TMEM175: variants seen among roughly 807,000 people sequenced by gnomAD.
The protein encoded by TMEM175 is transmembrane protein 175.
Under a neutral mutation model 36.5 loss-of-function variants are expected in TMEM175, and 36 were observed. That is an observed-to-expected ratio of 0.99 (90% CI 0.76 to 1.30). The LOEUF (loss-of-function observed/expected upper bound fraction) is 1.30. Ranked by LOEUF, TMEM175 falls within the 50% of genes most tolerant of loss-of-function variation. TMEM175 has a pLI of 0.00. For missense variants in TMEM175, 705 were observed against 692.8 expected (o/e 1.02, Z -0.20); for synonymous variants, 339 against 313.4 (o/e 1.08, Z -0.86).
Position 932,869 on chromosome 4 carries a change from G to A in TMEM175, c.-32+329G>A, listed in dbSNP as rs1012744978. ...GGCAGTTTGCAGGGGAAACGCTGCTGCATTGCTCTGTCTTCCGAGGAGAGG... is the reference window on the plus strand; with the variant it reads ...GGCAGTTTGCAGGGGAAACGCTGCTACATTGCTCTGTCTTCCGAGGAGAGG... On this transcript the variant is annotated intron_variant, in intron 1 of 10. Transcript: ENST00000264771. The surrounding 1 kb of genome is among the most constrained non-coding windows in gnomAD (Gnocchi z 4.0). Among the ~76,000 whole-genome samples the A allele has an allele frequency of 6.6e-6, 1 of 152,216 alleles. No individual in the cohort carries two copies. The highest frequency in any genetic ancestry group is 1.5e-5 in the Non-Finnish European group (1 of 68,038).
At chr4:943,025 A>G (rs1727716087) in intron 1 of TMEM175, among the ~76,000 whole-genome samples, 1 of 152,184 alleles carries the variant, frequency 6.6e-6, no homozygotes, top group African/African-American at 2.4e-5. Flanking sequence ...TCCAAATTAC[A>G]CATCTTGCAG....
At position 951,909 on chromosome 4, in the gene TMEM175, G is replaced by C. The variant is rs189830381; in HGVS notation, c.378+192G>C. 328 of 641,812 alleles carry C rather than the reference G, an allele frequency of 5.1e-4. 1 individual carries two copies. The highest frequency in any genetic ancestry group is 3.4e-3 in the Middle Eastern group (9 of 2,632). 39.8% of individuals were successfully genotyped at this position (641,812 alleles called of 1,614,324 possible). A position where few individuals can be genotyped will look rare whatever the true frequency, so the allele number is the denominator to read the frequency against. The stretch of plus-strand genomic sequence containing the variant: ...TTCAGGCTGGCGGGGAGGGGAGGCA[G>C]TGGCCCCGATGAGGGAGTCACCGGC... On this transcript the variant is annotated intron_variant, in intron 6 of 10. Coordinates refer to ENST00000264771, the MANE Select transcript of TMEM175 (RefSeq NM_032326.4).
intron 1 of TMEM175, among the ~76,000 whole-genome samples, chr4:933,930 A>G (rs1726468951): frequency 6.6e-6 from 1 of 152,270 alleles, no homozygotes; most frequent in Admixed American, 6.5e-5. Context: ...TTAGGCACTG[A>G]TTTATTGCTT....
intron 3 of TMEM175, chr4:948,711 G>T: frequency 8.5e-7 from 1 of 1,176,322 alleles, no homozygotes; most frequent in Non-Finnish European, 1.1e-6. Context: ...ACTGGAGGGC[G>T]TCTGGGGCCC....
chr4:933,080 T>G (rs560668318), intron 1 of TMEM175, among the ~76,000 whole-genome samples: 1 of 152,244 alleles, frequency 6.6e-6, no homozygotes, highest in African/African-American at 2.4e-5. Flanking sequence ...TGCCCAACTA[T>G]TTGGAGATGA....
At chr4:934,302 G>A (rs1409006602) in intron 1 of TMEM175, among the ~76,000 whole-genome samples, 2 of 152,236 alleles carry the variant, frequency 1.3e-5, no homozygotes, top group Non-Finnish European at 2.9e-5. Context: ...TAGACAGTTT[G>A]TGGAGAAAGA....
intron 4 of TMEM175, among the ~76,000 whole-genome samples, 187 bp downstream of exon 4, chr4:950,705 G>A (rs111935512): frequency 0.025 from 1,589 of 64,344 alleles, 25 homozygotes; most frequent in African/African-American, 0.044. Context: ...TGCAGTAGGC[G>A]GAGGTGTGGA....
At chr4:948,201 T>G (rs770931508) in intron 3 of TMEM175, 47 bp downstream of exon 3, 4 of 1,613,796 alleles carry the variant, frequency 2.5e-6, no homozygotes, top group South Asian at 1.1e-5. Context: ...TGCGAAGATA[T>G]AGGGTCCCCG....
At position 958,068 on chromosome 4, in the gene TMEM175, T is replaced by G; in HGVS notation, c.1087T>G (p.Ser363Ala). The G allele has an allele frequency of 6.2e-7, 1 of 1,609,534 alleles. No individual in the cohort carries two copies. The highest frequency in any genetic ancestry group is 8.5e-7 in the Non-Finnish European group (1 of 1,179,528). ...CCTCCCACTAGCCTACCAGCAGACC[T>G]CGGCCTTCGCCCGGCAGCCCCGCGA... is the stretch of plus-strand genomic sequence containing the variant. ...GGLPLAYQQT[S>A]AFARQPRDEL... Residue 363 changes from serine (S) to alanine (A), a missense_variant, in exon 11 of 11, where the codon TCG becomes GCG. By Grantham distance (99) the Ser-to-Ala change is moderately conservative. Transcript: ENST00000264771.
intron 3 of TMEM175, chr4:948,528 C>T: frequency 5.1e-6 from 7 of 1,379,272 alleles, no homozygotes; most frequent in Non-Finnish European, 5.7e-6. Flanking sequence ...AGCAGGCAGG[C>T]CCCTTACGTA....
intron 1 of TMEM175, among the ~76,000 whole-genome samples, chr4:946,347 C>T (rs1728140036): frequency 6.6e-6 from 1 of 152,266 alleles, no homozygotes; most frequent in Admixed American, 6.5e-5. Context: ...GCTCTCTGGC[C>T]ACATTCTATG....
chr4:933,053 C>T (rs1479217839), intron 1 of TMEM175, among the ~76,000 whole-genome samples: 1 of 152,230 alleles, frequency 6.6e-6, no homozygotes, highest in Non-Finnish European at 1.5e-5. Flanking sequence ...TCATGAACCA[C>T]TTGGAAGGGT....
In TMEM175 at chr4:955,763, G is replaced by C; in HGVS notation, c.715G>C (p.Glu239Gln). The change falls in exon 10 of 11, where the codon GAG (glutamate) becomes CAG (glutamine). Residue 239 changes from glutamate to glutamine, a missense_variant. Glu to Gln is a conservative substitution (Grantham distance 29, BLOSUM62 2). Coordinates refer to ENST00000264771, the MANE Select transcript of TMEM175 (RefSeq NM_032326.4). ...TCCTGGCGTGTCCCCAGGCCACAGG[G>C]AGCCCTCGGCTCACCCAGTGGAAGT... Reference protein sequence around the residue: ...WCRDRLLGHREPSAHPVEVFS... With the variant: ...WCRDRLLGHRQPSAHPVEVFS... The C allele has an allele frequency of 6.2e-7, 1 of 1,613,300 alleles. No homozygotes were observed. Among genetic ancestry groups the C allele is most frequent in the Non-Finnish European group, 8.5e-7 (1 of 1,179,810 alleles).
chr4:947,118 C>CGA (rs1410674696), intron 1 of TMEM175, among the ~76,000 whole-genome samples: 1 of 134,886 alleles, frequency 7.4e-6, no homozygotes, highest in Non-Finnish European at 1.6e-5. Context: ...GCACGGGCGC[C>CGA]GAGACCGGGG....
chr4:951,206 G>C lies in TMEM175; in HGVS notation c.291-1G>C, dbSNP rs1283153311. On this transcript the variant is annotated splice_acceptor_variant, in intron 4 of 10. Transcript: ENST00000264771. LOFTEE classifies it high-confidence loss of function. Reference sequence around the variant, plus strand: ...GTCTATCTTTTTCTTAAATGGTTTAGGTTGTTCCAAGTTGTTGGGAAAACA... The same window carrying C: ...GTCTATCTTTTTCTTAAATGGTTTACGTTGTTCCAAGTTGTTGGGAAAACA... 6.2e-7 allele frequency: 1 copy of C among 1,614,016 alleles called. No homozygotes were observed. The highest frequency in any genetic ancestry group is 2.2e-5 in the East Asian group (1 of 44,884).
At chr4:944,481 A>G (rs937287857) in intron 1 of TMEM175, among the ~76,000 whole-genome samples, 29 of 152,088 alleles carry the variant, frequency 1.9e-4, no homozygotes, top group Non-Finnish European at 7.4e-5. Context: ...CTGGGCATAG[A>G]GCAAAAGCCC....
Position 947,818 on chromosome 4 carries a change from G to A in TMEM175, c.79G>A (p.Gly27Arg). Reference protein sequence around the residue: ...CPPGRRDEDAGEGIQCSQRML... With the variant: ...CPPGRRDEDAREGIQCSQRML... The stretch of plus-strand genomic sequence containing the variant: ...CCCAGGCAGGAGAGACGAGGACGCT[G>A]GGGAGGGGATCCAGTGCTCCCAACG... Residue 27 changes from glycine (G) to arginine (R), a missense_variant, in exon 2 of 11, where the codon GGG becomes AGG. Gly to Arg is a moderately radical substitution (Grantham distance 125). Transcript: ENST00000264771. 6.2e-7 allele frequency: 1 copy of A among 1,613,288 alleles called. No individual in the cohort carries two copies. The highest frequency in any genetic ancestry group is 8.5e-7 in the Non-Finnish European group (1 of 1,180,002).
In TMEM175 at chr4:957,898, C is replaced by T. The variant is rs1209482522; in HGVS notation, c.917C>T (p.Thr306Ile). The T allele has an allele frequency of 3.1e-6, 5 of 1,612,710 alleles. No homozygotes were observed. Among genetic ancestry groups the T allele is most frequent in the African/African-American group, 2.7e-5 (2 of 74,948 alleles). ...SGSLVAALSA[T>I]GPRFLAYFGS... is the part of the protein sequence containing the mutation. ...AGCCTCGTGGCCGCCCTGAGTGCGA[C>T]CGGGCCGCGCTTCCTGGCGTACTTC... The change falls in exon 11 of 11, where the codon ACC becomes ATC. Residue 306 changes from threonine (T) to isoleucine (I), a missense_variant. By Grantham distance (89) the Thr-to-Ile change is moderately conservative. Transcript: ENST00000264771.
intron 1 of TMEM175, among the ~76,000 whole-genome samples, chr4:933,179 G>C (rs1726266359): frequency 6.6e-6 from 1 of 152,166 alleles, no homozygotes; most frequent in African/African-American, 2.4e-5. Flanking sequence ...TGGGGGTTGG[G>C]AGTGGGTAGC....
Sources: gnomAD v4.1 joint callset for allele counts (sites outside exome capture counted in the v4.1 genomes callset) on GRCh38, gnomAD v4.1.1 for gene constraint, Gnocchi (gnomAD v3.1) non-coding constraint, MANE v1.5 for transcripts, NCBI Gene and HGNC (gene_info 2026-07-23, HGNC 2026-07-21) for gene names.